Variants in PHF12 observed in about 807,000 individuals in gnomAD.
PHF12 encodes the protein PHD finger protein 12.
PHF12 carries 6 observed loss-of-function variants against 99.8 expected under a neutral mutation model. That is an observed-to-expected ratio of 0.06 (90% confidence interval 0.03 to 0.12). The LOEUF is 0.12. Among genes scored for constraint, PHF12 ranks in the 10% least tolerant of loss-of-function variants. The pLI is 1.00. For missense variants in PHF12, 954 were observed against 1,300.1 expected (o/e 0.73, Z 4.09); for synonymous variants, 480 against 514.9 (o/e 0.93, Z 0.92).
intron 2 of PHF12, chr17:28,944,786 T>C (rs1417699614): frequency 6.6e-6 from 1 of 152,306 alleles, no homozygotes; most frequent in Non-Finnish European, 1.5e-5. Flanking sequence ...TTACTATTGA[T>C]GGGGCCGGGC....
At chr17:28,913,507 T>G (rs1227378055) in intron 8 of PHF12, among the ~76,000 whole-genome samples, 1 of 152,240 alleles carries the variant, frequency 6.6e-6, no homozygotes, top group African/African-American at 2.4e-5. Flanking sequence ...GCTTGGGATC[T>G]GCATTTTGAC....
Position 28,906,037 on chromosome 17 carries a change from AAAAGG to A in PHF12, c.*141_*145del. 1 of 810,088 alleles carries A rather than the reference AAAAGG, an allele frequency of 1.2e-6. No homozygotes were observed. The highest frequency in any genetic ancestry group is 1.8e-6 in the Non-Finnish European group (1 of 547,702). 50.2% of individuals were successfully genotyped at this position (810,088 alleles called of 1,614,324 possible). On this transcript the variant is annotated 3_prime_UTR_variant, in exon 15 of 15. Transcript: ENST00000332830. This position sits in a 1 kb window ranked among gnomAD's most constrained non-coding sequence, Gnocchi z 4.2. ...GAAAAAGGATTTTTAAAAAACAGTC[AAAAGG>A]TTTTCTTCATTTCATGCAAAGATTG...
intron 2 of PHF12, among the ~76,000 whole-genome samples, chr17:28,934,910 C>G (rs915424715): frequency 1.2e-4 from 19 of 152,162 alleles, no homozygotes; most frequent in Non-Finnish European, 8.8e-5. Flanking sequence ...ATGTTTGAAC[C>G]TTTAGATTCC....
intron 6 of PHF12, 119 bp downstream of exon 6, chr17:28,919,024 A>G: frequency 7.6e-7 from 1 of 1,313,642 alleles, no homozygotes; most frequent in Middle Eastern, 2.5e-4. Flanking sequence ...GCCTGCAGAA[A>G]CCAGTACCTA....
rs1410309623 is a variant in PHF12 at position 28,906,168 on chromosome 17, G to C, written c.*15C>G. 2 of 1,554,172 alleles carry C rather than the reference G, an allele frequency of 1.3e-6. No individual in the cohort carries two copies. Among genetic ancestry groups the C allele is most frequent in the Admixed American group, 1.7e-5 (1 of 57,328 alleles). ...TGGGTGGGTGTACAGGCCAGTGGCG[G>C]GGTAGCCGCCAGTCCTAAGGAACAG... On this transcript the variant is annotated 3_prime_UTR_variant, in exon 15 of 15. Coordinates refer to ENST00000332830, the MANE Select transcript of PHF12 (RefSeq NM_001033561.2). This position sits in a 1 kb window ranked among gnomAD's most constrained non-coding sequence, Gnocchi z 4.2.
Position 28,921,068 on chromosome 17 carries a change from T to G in PHF12, c.836+620A>C, listed in dbSNP as rs1005772672. ...TTTTTTTGTTTGTTTGAATTTTTAG[T>G]TGAGACAGGGTTTCACCATGTTAGC... On this transcript the variant is annotated intron_variant, in intron 5 of 14. Coordinates refer to ENST00000332830, the MANE Select transcript of PHF12 (RefSeq NM_001033561.2). Among the ~76,000 whole-genome samples the G allele has an allele frequency of 4.0e-5, 6 of 151,864 alleles. No individual in the cohort carries two copies. The East Asian group carries it at 9.6e-4, about 24-fold the overall frequency.
At chr17:28,940,934 GTTCTC>G (rs1350629186) in intron 2 of PHF12, among the ~76,000 whole-genome samples, 3 of 152,048 alleles carry the variant, frequency 2.0e-5, no homozygotes, top group African/African-American at 4.8e-5. Context: ...TTATGCAGAG[GTTCTC>G]TTCTAAGTGT....
At chr17:28,915,937 C>G (rs1288925048) in intron 7 of PHF12, among the ~76,000 whole-genome samples, 1 of 152,214 alleles carries the variant, frequency 6.6e-6, no homozygotes. Context: ...GGTCTCCTGG[C>G]CCGTTCACTT....
Position 28,911,275 on chromosome 17 carries a change from T to C in PHF12, c.2090-38A>G, listed in dbSNP as rs779129132. On this transcript the variant is annotated intron_variant, in intron 9 of 14. Coordinates refer to ENST00000332830, the MANE Select transcript of PHF12 (RefSeq NM_001033561.2). ...CAGGAAGACTGTTACTTACGTCGCC[T>C]GAGGGAAACCCACCGTCCAATCCCC... is the stretch of plus-strand genomic sequence containing the variant. 6 of 1,611,592 alleles carry C rather than the reference T, an allele frequency of 3.7e-6. No individual in the cohort carries two copies. In the African/African-American group the frequency reaches 4.0e-5, roughly 11 times the overall value.
At chr17:28,911,616 C>T (rs968312246) in intron 9 of PHF12, among the ~76,000 whole-genome samples, 1 of 152,170 alleles carries the variant, frequency 6.6e-6, no homozygotes, top group Non-Finnish European at 1.5e-5. Flanking sequence ...AATCTACCCA[C>T]GCTGGTTTTA....
At chr17:28,931,480 C>T (rs1449718947) in intron 2 of PHF12, among the ~76,000 whole-genome samples, 1 of 151,560 alleles carries the variant, frequency 6.6e-6, no homozygotes, top group Non-Finnish European at 1.5e-5. Flanking sequence ...TGGTCTTGAC[C>T]TCCTAACCTC....
chr17:28,940,151 G>A (rs1228796495), intron 2 of PHF12, among the ~76,000 whole-genome samples: 1 of 152,142 alleles, frequency 6.6e-6, no homozygotes, highest in Non-Finnish European at 1.5e-5. Flanking sequence ...ATGTAATTAG[G>A]GGAAAAGAAA....
chr17:28,941,859 G>A (rs182086093), intron 2 of PHF12, among the ~76,000 whole-genome samples: 333 of 152,186 alleles, frequency 2.2e-3, no homozygotes, highest in Middle Eastern at 0.014. Context: ...CACCTGCCTC[G>A]GCTCCCCAAA....
rs767776850 is a variant in PHF12, at chr17:28,917,389, T to C, written c.1030A>G (p.Thr344Ala). 13 of 1,614,084 alleles carry C rather than the reference T, an allele frequency of 8.1e-6. No homozygotes were observed. The highest frequency in any genetic ancestry group is 6.6e-5 in the South Asian group (6 of 91,068). ...ACTTTGACGACATGCTGCGAAACGG[T>C]GTCCTGGAAACGATCAAACACCTGG... ...RCQVFDRFQD[T>A]VSQHVVKVDF... is the part of the protein sequence containing the mutation. Residue 344 changes from threonine to alanine, a missense_variant, in exon 7 of 15, where the codon ACC becomes GCC. Physicochemically the swap from Thr to Ala is moderately conservative, Grantham distance 58. Transcript: ENST00000332830.
Position 28,906,734 on chromosome 17 carries a change from C to T in PHF12, c.2680+122G>A. 3 of 1,427,984 alleles carry T rather than the reference C, an allele frequency of 2.1e-6. No individual in the cohort carries two copies. Among genetic ancestry groups the T allele is most frequent in the Non-Finnish European group, 2.8e-6 (3 of 1,059,182 alleles). The allele number at this position is 1,427,984 out of a possible 1,614,324, so 88.5% of individuals were successfully genotyped here. On this transcript the variant is annotated intron_variant, in intron 14 of 14. Coordinates refer to ENST00000332830, the MANE Select transcript of PHF12 (RefSeq NM_001033561.2). This position sits in a 1 kb window ranked among gnomAD's most constrained non-coding sequence, Gnocchi z 4.2. ...GCTTCTCTGTGGCCTGCCCTGGGCC[C>T]ACGAGGAAGTAGAGCTTGGCCAATA...
intron 2 of PHF12, chr17:28,944,634 G>A: frequency 2.3e-6 from 1 of 438,184 alleles, no homozygotes; most frequent in Non-Finnish European, 3.0e-6. Flanking sequence ...GCAACAGAGT[G>A]AGACTCTGTC....
chr17:28,950,344 C>T lies in PHF12; in HGVS notation c.67-98G>A, dbSNP rs571592962. ...TTCTCCGTCACCCACCCCTCTCCCC[C>T]CTTTTGTCCTTCTTCCTCCCATCCA... On this transcript the variant is annotated intron_variant, in intron 1 of 14. Coordinates refer to ENST00000332830, the MANE Select transcript of PHF12 (RefSeq NM_001033561.2). This position sits in a 1 kb window ranked among gnomAD's most constrained non-coding sequence, Gnocchi z 5.7. 30 of 1,309,596 alleles carry T rather than the reference C, an allele frequency of 2.3e-5. No homozygotes were observed. The South Asian group carries it at 2.9e-4, about 13-fold the overall frequency. The allele number at this position is 1,309,596 out of a possible 1,614,324, so 81.1% of individuals were successfully genotyped here.
intron 11 of PHF12, 135 bp from the exon 12 acceptor site, chr17:28,909,016 A>G (rs2039916303): frequency 1.3e-6 from 1 of 782,754 alleles, no homozygotes; most frequent in East Asian, 2.7e-5. Context: ...CCAAACTCAC[A>G]TCCAACACTG....
At chr17:28,925,609 C>T (rs1351994796) in intron 3 of PHF12, 1 of 152,194 alleles carries the variant, frequency 6.6e-6, no homozygotes, top group African/African-American at 2.4e-5. Context: ...ACAAGTAGCT[C>T]TCCTTCTAGA....
Sources: gnomAD v4.1 joint callset for allele counts (sites outside exome capture counted in the v4.1 genomes callset) on GRCh38, gnomAD v4.1.1 for gene constraint, Gnocchi (gnomAD v3.1) non-coding constraint, MANE v1.5 for transcripts, NCBI Gene and HGNC (gene_info 2026-07-23, HGNC 2026-07-21) for gene names.